Variants in CACNA1H observed in about 807,000 individuals in gnomAD.
CACNA1H encodes the protein calcium voltage-gated channel subunit alpha1 H.
CACNA1H carries 149 observed loss-of-function variants against 192.5 expected under a neutral mutation model. The observed-to-expected ratio is 0.77, with a 90% CI of 0.68 to 0.89. The LOEUF is 0.89. CACNA1H is among the 40% of genes least tolerant of loss of function. CACNA1H has a pLI of 0.00. For synonymous variants in CACNA1H, 2,202 were observed against 1,475.2 expected (o/e 1.49, Z -11.29); for missense variants, 4,257 against 3,423.5 (o/e 1.24, Z -6.08).
At chr16:1,161,860 G>A (rs529815645) in intron 2 of CACNA1H, among the ~76,000 whole-genome samples, 2 of 147,168 alleles carry the variant, frequency 1.4e-5, no homozygotes, top group African/African-American at 5.4e-5. Flanking sequence ...CAGCCTGCCT[G>A]TGGGGTGGGT....
At position 1,200,784 on chromosome 16, in the gene CACNA1H, C is replaced by T. The variant is rs776883431; in HGVS notation, c.1188C>T (p.Phe396=). ...YVMDAHSFYN[F]IYFILLIIVG... ...TGGACGCCCACTCATTCTACAACTT[C>T]ATCTATTTCATCCTGCTCATCATCG... The change falls in exon 8 of 35, where the codon TTC becomes TTT. Residue 396 remains phenylalanine, a synonymous_variant. Transcript: ENST00000348261. 2.4e-5 allele frequency: 38 copies of T among 1,552,826 alleles called. No individual in the cohort carries two copies. Among genetic ancestry groups the T allele is most frequent in the South Asian group, 1.1e-4 (9 of 84,224 alleles).
At chr16:1,170,949 C>T (rs1364362858) in intron 2 of CACNA1H, among the ~76,000 whole-genome samples, 1 of 151,986 alleles carries the variant, frequency 6.6e-6, no homozygotes, top group East Asian at 1.9e-4. Flanking sequence ...GGTCTGGGGG[C>T]CTTCTGCTCC....
In CACNA1H at chr16:1,175,159, C is replaced by T. The variant is rs554062964; in HGVS notation, c.300-19813C>T. ...GCCCCACGTAATGCCCTACTGTGCG[C>T]GCGGGCCAACGCCCACTGCCCCACG... On this transcript the variant is annotated intron_variant, in intron 2 of 34. Transcript: ENST00000348261. Among the ~76,000 whole-genome samples, 165 of 152,106 alleles carry T rather than the reference C, an allele frequency of 1.1e-3. 2 individuals carry two copies. Among genetic ancestry groups the T allele is most frequent in the Admixed American group, 9.7e-3 (148 of 15,272 alleles).
chr16:1,190,435 C>G (rs1341901879), intron 2 of CACNA1H, among the ~76,000 whole-genome samples: 1 of 152,238 alleles, frequency 6.6e-6, no homozygotes, highest in Non-Finnish European at 1.5e-5. Flanking sequence ...CCTGCTCAGC[C>G]CAGAGCTGCC....
chr16:1,195,983 G>A lies in CACNA1H; in HGVS notation c.603G>A (p.Val201=). Residue 201 remains valine (V), a synonymous_variant, in exon 5 of 35, where the codon GTG becomes GTA. Transcript: ENST00000348261. ...TGAGCCTCTCGGCTATCAGGACCGT[G>A]CGGGTGCTGCGGCCCCTCCGCGCCA... ...HNVSLSAIRT[V]RVLRPLRAIN... The A allele has an allele frequency of 1.2e-6, 2 of 1,613,062 alleles. No individual in the cohort carries two copies. The highest frequency in any genetic ancestry group is 1.7e-6 in the Non-Finnish European group (2 of 1,179,834).
intron 2 of CACNA1H, among the ~76,000 whole-genome samples, chr16:1,189,992 G>A (rs1472827333): frequency 6.6e-6 from 1 of 152,248 alleles, no homozygotes; most frequent in Non-Finnish European, 1.5e-5. Flanking sequence ...TCAGAAAAGA[G>A]GAGAATCACT....
In CACNA1H at chr16:1,202,450, A is replaced by G; in HGVS notation, c.2000A>G (p.His667Arg). 4 of 1,488,806 alleles carry G rather than the reference A, an allele frequency of 2.7e-6. No individual in the cohort carries two copies. Among genetic ancestry groups the G allele is most frequent in the Non-Finnish European group, 2.7e-6 (3 of 1,115,200 alleles). The allele number at this position is 1,488,806 out of a possible 1,614,324, so 92.2% of individuals were successfully genotyped here. Reference protein sequence around the residue: ...YEKIPHVVGEHGLGQAPGHLS... With the variant: ...YEKIPHVVGERGLGQAPGHLS... ...AAGATCCCGCATGTGGTCGGGGAGC[A>G]TGGTGAGGACCCAGCCCCACCCCAC... Residue 667 changes from histidine to arginine, a missense_variant and splice_region_variant, in exon 9 of 35, where the codon CAT (histidine) becomes CGT (arginine). His to Arg is a conservative substitution (Grantham distance 29, BLOSUM62 0). Coordinates refer to ENST00000348261, the MANE Select transcript of CACNA1H (RefSeq NM_021098.3).
intron 21 of CACNA1H, 23 bp from the exon 22 acceptor site, chr16:1,211,145 G>T (rs758718166): frequency 4.3e-5 from 69 of 1,610,886 alleles, no homozygotes; most frequent in Middle Eastern, 3.3e-4. Flanking sequence ...GATGACTGCA[G>T]TGTATCCTTC....
At chr16:1,173,121 G>A (rs974188406) in intron 2 of CACNA1H, among the ~76,000 whole-genome samples, 4 of 152,202 alleles carry the variant, frequency 2.6e-5, no homozygotes, top group African/African-American at 7.2e-5. Flanking sequence ...GTGTCGAGGT[G>A]TGGGGCAAGT....
At position 1,215,329 on chromosome 16, in the gene CACNA1H, C is replaced by T. The variant is rs1555519102; in HGVS notation, c.5127C>T (p.Ile1709=). Residue 1709 remains isoleucine (I), a synonymous_variant, in exon 29 of 35, where the codon ATC becomes ATT. Transcript: ENST00000348261. ...EEIEMSAALP[I]NPTIIRIMRV... ...TAGAGATGAGCGCCGCGCTGCCCAT[C>T]AACCCCACCATCATCCGCATCATGC... The T allele has an allele frequency of 1.9e-6, 3 of 1,611,796 alleles. No individual in the cohort carries two copies. The highest frequency in any genetic ancestry group is 2.5e-6 in the Non-Finnish European group (3 of 1,179,372).
intron 2 of CACNA1H, among the ~76,000 whole-genome samples, chr16:1,172,518 C>T (rs1314007806): frequency 6.6e-6 from 1 of 152,170 alleles, no homozygotes; most frequent in Non-Finnish European, 1.5e-5. Flanking sequence ...GTGTGTTGTC[C>T]CGAGCATCAC....
At chr16:1,211,924 A>C (rs776110486) in intron 24 of CACNA1H, 22 bp from the exon 25 acceptor site, 1 of 1,610,012 alleles carries the variant, frequency 6.2e-7, no homozygotes, top group Admixed American at 1.7e-5. Flanking sequence ...GCGGGCGGGG[A>C]CCCACCGCCT....
In CACNA1H at chr16:1,198,692, T is replaced by C. The variant is rs56900494; in HGVS notation, c.721T>C (p.Phe241Leu). 1 of 1,613,354 alleles carries C rather than the reference T, an allele frequency of 6.2e-7. No homozygotes were observed. Among genetic ancestry groups the C allele is most frequent in the South Asian group, 1.1e-5 (1 of 91,094 alleles). Residue 241 changes from phenylalanine (F) to leucine (L), a missense_variant, in exon 6 of 35, where the codon TTC becomes CTC. Phe to Leu is a conservative substitution (Grantham distance 22). Transcript: ENST00000348261. Reference protein sequence around the residue: ...GNVLLLCFFVFFIFGIVGVQL... With the variant: ...GNVLLLCFFVLFIFGIVGVQL... ...CGTCCTTCTGCTGTGCTTCTTCGTC[T>C]TCTTCATTTTCGGCATCGTTGGCGT...
Position 1,198,622 on chromosome 16 carries a change from G to A in CACNA1H, c.651G>A (p.Arg217=), listed in dbSNP as rs1455037011. 32 of 1,612,964 alleles carry A rather than the reference G, an allele frequency of 2.0e-5. No individual in the cohort carries two copies. The highest frequency in any genetic ancestry group is 2.7e-5 in the Non-Finnish European group (32 of 1,179,620). Residue 217 remains arginine, a synonymous_variant, in exon 6 of 35, where the codon CGG becomes CGA. Coordinates refer to ENST00000348261, the MANE Select transcript of CACNA1H (RefSeq NM_021098.3). ...LRAINRVPSM[R]ILVTLLLDTL... ...TGGCCCTGCTGCCCACAGGCATGCGGATCCTGGTCACTCTGCTGCTGGATA... is the reference window on the plus strand; with the variant it reads ...TGGCCCTGCTGCCCACAGGCATGCGAATCCTGGTCACTCTGCTGCTGGATA...
Position 1,202,519 on chromosome 16 carries a change from T to C in CACNA1H, c.2002+67T>C, listed in dbSNP as rs115952318. On this transcript the variant is annotated intron_variant, in intron 9 of 34. Coordinates refer to ENST00000348261, the MANE Select transcript of CACNA1H (RefSeq NM_021098.3). ...TAGGCAGGGCGGGCAGGGTCTCCGG[T>C]GTGTCATTCCCACACCCATTGTGGG... 986 of 1,359,616 alleles carry C rather than the reference T, an allele frequency of 7.3e-4. 7 individuals carry two copies. The African/African-American group carries it at 0.013, about 17-fold the overall frequency. The allele number at this position is 1,359,616 out of a possible 1,614,324, so 84.2% of individuals were successfully genotyped here. A position where few individuals can be genotyped will look rare whatever the true frequency, so the allele number is the denominator to read the frequency against.
chr16:1,159,175 G>A (rs932048750), intron 2 of CACNA1H, among the ~76,000 whole-genome samples: 4 of 152,198 alleles, frequency 2.6e-5, no homozygotes, highest in Non-Finnish European at 4.4e-5. Context: ...CCAGTTCCCC[G>A]CAGAGTGCCC....
At chr16:1,208,891 TCAC>T (rs1969082904) in intron 16 of CACNA1H, 138 bp from the exon 17 acceptor site, 3 of 924,084 alleles carry the variant, frequency 3.2e-6, no homozygotes, top group Non-Finnish European at 4.5e-6. Flanking sequence ...CCCCCTAAAA[TCAC>T]AGCCTCCACC....
intron 25 of CACNA1H, 164 bp downstream of exon 25, chr16:1,212,302 A>T (rs1021522045): frequency 1.1e-5 from 13 of 1,216,920 alleles, no homozygotes; most frequent in African/African-American, 1.5e-5. Flanking sequence ...CTGGCCCGAG[A>T]GGGCCGTCGG....
chr16:1,207,815 C>T lies in CACNA1H; in HGVS notation c.3109C>T (p.His1037Tyr), dbSNP rs765264271. ...SDTDEDKTSV[H>Y]FEEDFHKLRE... Reference sequence around the variant, plus strand: ...CACGGACGAGGACAAGACGTCGGTCCACTTCGAGGAGGACTTCCACAAGCT... The same window carrying T: ...CACGGACGAGGACAAGACGTCGGTCTACTTCGAGGAGGACTTCCACAAGCT... The change falls in exon 15 of 35, where the codon CAC becomes TAC. Residue 1037 changes from histidine to tyrosine, a missense_variant. Coordinates refer to ENST00000348261, the MANE Select transcript of CACNA1H (RefSeq NM_021098.3). 2 of 1,602,848 alleles carry T rather than the reference C, an allele frequency of 1.2e-6. No homozygotes were observed. Among genetic ancestry groups the T allele is most frequent in the Non-Finnish European group, 1.7e-6 (2 of 1,174,992 alleles).
Sources: allele counts gnomAD v4.1 joint callset (sites outside exome capture counted in the v4.1 genomes callset), GRCh38; gene constraint gnomAD v4.1.1; transcripts MANE v1.5; gene names NCBI Gene and HGNC (gene_info 2026-07-23, HGNC 2026-07-21).